Variants in SLX4IP observed in about 807,000 individuals in gnomAD.
SLX4IP encodes the protein SLX4 interacting protein.
A neutral mutation model predicts 32.9 loss-of-function variants in SLX4IP; 34 were observed. That is an observed-to-expected ratio of 1.03 (90% CI 0.79 to 1.38). The LOEUF (loss-of-function observed/expected upper bound fraction) is 1.38, where lower values mean the gene tolerates loss of function less well. Among genes scored for constraint, SLX4IP ranks in the 40% most tolerant of loss-of-function variants. SLX4IP has a pLI of 0.00. For missense variants in SLX4IP, 444 were observed against 479.0 expected, an observed-to-expected ratio of 0.93 and a Z score of 0.68; for synonymous variants, 172 against 171.7, an observed-to-expected ratio of 1.00 and a Z score of -0.01.
intron 4 of SLX4IP, among the ~76,000 whole-genome samples, chr20:10,578,650 A>C (rs1233842912): frequency 6.6e-6 from 1 of 152,164 alleles, no homozygotes; most frequent in African/African-American, 2.4e-5. Context: ...ATATTGACGA[A>C]CTTCCAGACT....
At chr20:10,471,604 G>C (rs1001234360) in intron 2 of SLX4IP, among the ~76,000 whole-genome samples, 2 of 152,302 alleles carry the variant, frequency 1.3e-5, no homozygotes, top group East Asian at 3.9e-4. Context: ...AGGGTTGTTA[G>C]ATTTTAGTCC....
At chr20:10,545,134 C>A (rs1461074191) in intron 2 of SLX4IP, among the ~76,000 whole-genome samples, 1 of 152,058 alleles carries the variant, frequency 6.6e-6, no homozygotes, top group Non-Finnish European at 1.5e-5. Context: ...CTCTGAGAAC[C>A]GGTAGTCTAG....
At chr20:10,541,665 A>C (rs186886331) in intron 2 of SLX4IP, among the ~76,000 whole-genome samples, 28 of 152,344 alleles carry the variant, frequency 1.8e-4, no homozygotes, top group African/African-American at 5.3e-4. Context: ...ATTGGACAGC[A>C]GTGGTCAATT....
intron 2 of SLX4IP, among the ~76,000 whole-genome samples, chr20:10,529,623 A>G (rs1454807640): frequency 6.9e-6 from 1 of 144,292 alleles, no homozygotes; most frequent in Non-Finnish European, 1.5e-5. Context: ...AATGATTCTG[A>G]TTACTCACAT....
intron 6 of SLX4IP, chr20:10,614,293 T>C (rs968029552): frequency 1.7e-5 from 10 of 596,794 alleles, no homozygotes; most frequent in Admixed American, 6.1e-5. Context: ...CATGAAGTCC[T>C]ACCTTGAGAA....
rs1050394504 is a variant in SLX4IP at position 10,572,432 on chromosome 20, G to C, written c.238+11612G>C. The stretch of plus-strand genomic sequence containing the variant: ...TACCATGTGGGTATCTTGGTTTAAA[G>C]TTCATATTCTCTATTCTCTGATCAT... On this transcript the variant is annotated intron_variant, in intron 4 of 7. Coordinates refer to ENST00000334534, the MANE Select transcript of SLX4IP (RefSeq NM_001009608.3). 2.0e-5 allele frequency among the ~76,000 whole-genome samples: 3 copies of C among 152,028 alleles called. No individual in the cohort carries two copies. The South Asian group carries it at 6.2e-4, about 31-fold the overall frequency.
At chr20:10,610,572 A>G (rs2066954615) in intron 6 of SLX4IP, among the ~76,000 whole-genome samples, 1 of 152,234 alleles carries the variant, frequency 6.6e-6, no homozygotes, top group Non-Finnish European at 1.5e-5. Context: ...GGGGAAGGTC[A>G]TGTCTGCCTC....
At chr20:10,597,233 G>A (rs117652816) in intron 4 of SLX4IP, among the ~76,000 whole-genome samples, 1 of 152,282 alleles carries the variant, frequency 6.6e-6, no homozygotes, top group Admixed American at 6.5e-5. Context: ...ATTACTTCCT[G>A]CAACTCTTGG....
intron 2 of SLX4IP, among the ~76,000 whole-genome samples, chr20:10,506,685 C>T (rs1169026042): frequency 3.9e-5 from 6 of 152,100 alleles, no homozygotes; most frequent in Non-Finnish European, 8.8e-5. Flanking sequence ...TCTTAGGGGT[C>T]TCACATTCTA....
intron 2 of SLX4IP, among the ~76,000 whole-genome samples, chr20:10,485,046 G>C (rs1016263379): frequency 6.6e-6 from 1 of 152,038 alleles, no homozygotes; most frequent in African/African-American, 2.4e-5. Context: ...GAGTTGGATG[G>C]AAAGAGTGAC....
intron 2 of SLX4IP, among the ~76,000 whole-genome samples, chr20:10,537,423 AC>A (rs2066057759): frequency 6.6e-6 from 1 of 152,186 alleles, no homozygotes; most frequent in African/African-American, 2.4e-5. Flanking sequence ...ATGAATACTT[AC>A]AAAGGAAACA....
chr20:10,591,994 GT>G (rs1214544829), intron 4 of SLX4IP, among the ~76,000 whole-genome samples: 1 of 152,066 alleles, frequency 6.6e-6, no homozygotes, highest in Non-Finnish European at 1.5e-5. Context: ...GAAAATGGGT[GT>G]TTTTTTCTAA....
intron 2 of SLX4IP, among the ~76,000 whole-genome samples, chr20:10,467,947 G>T (rs1038707718): frequency 6.6e-6 from 1 of 152,078 alleles, no homozygotes; most frequent in African/African-American, 2.4e-5. Context: ...TGTGATAATA[G>T]ATAAACTAGT....
At chr20:10,443,290 C>T (rs112816009) in intron 1 of SLX4IP, among the ~76,000 whole-genome samples, 9 of 152,242 alleles carry the variant, frequency 5.9e-5, no homozygotes, top group African/African-American at 1.9e-4. Flanking sequence ...AGTCAGCAAA[C>T]TTTTAATGCA....
At chr20:10,619,207 C>CTTTTTTTTTTTTTTTTTTTTT (rs895955485) in intron 6 of SLX4IP, among the ~76,000 whole-genome samples, 1 of 142,572 alleles carries the variant, frequency 7.0e-6, no homozygotes. Flanking sequence ...TTTTTCTTTT[C>CTTTTTTTTTTTTTTTTTTTTT]TTTTTTTTTC....
intron 2 of SLX4IP, among the ~76,000 whole-genome samples, chr20:10,550,478 C>T (rs2066206734): frequency 6.6e-6 from 1 of 152,180 alleles, no homozygotes; most frequent in East Asian, 1.9e-4. Flanking sequence ...GAGTGTCCCT[C>T]AAATGTGCCC....
intron 2 of SLX4IP, among the ~76,000 whole-genome samples, chr20:10,543,263 A>G (rs544551907): frequency 6.6e-6 from 1 of 152,324 alleles, no homozygotes; most frequent in South Asian, 2.1e-4. Context: ...TTTGACCTGA[A>G]CTGGAAGAAT....
chr20:10,487,079 G>A (rs2065580936), intron 2 of SLX4IP, among the ~76,000 whole-genome samples: 1 of 152,170 alleles, frequency 6.6e-6, no homozygotes, highest in African/African-American at 2.4e-5. Context: ...TTCTAACTCT[G>A]AATGCCTCTG....
At chr20:10,585,771 A>T (rs1370815399) in intron 4 of SLX4IP, among the ~76,000 whole-genome samples, 4 of 151,892 alleles carry the variant, frequency 2.6e-5, no homozygotes, top group African/African-American at 9.7e-5. Context: ...TTATATTTTT[A>T]GTAGAGACAG....
Sources: allele counts gnomAD v4.1 joint callset (sites outside exome capture counted in the v4.1 genomes callset), GRCh38; gene constraint gnomAD v4.1.1; transcripts MANE v1.5; gene names NCBI Gene and HGNC (gene_info 2026-07-23, HGNC 2026-07-21).